Variants in OR9Q1 observed in about 807,000 individuals in gnomAD.
OR9Q1 encodes the protein olfactory receptor family 9 subfamily Q member 1.
For missense variants in OR9Q1, 374 were observed against 378.8 expected (o/e 0.99, Z 0.11); for synonymous variants, 153 against 148.6 (o/e 1.03, Z -0.22).
At chr11:58,083,055 T>A (rs1018974202) in intron 2 of OR9Q1, among the ~76,000 whole-genome samples, 5 of 151,998 alleles carry the variant, frequency 3.3e-5, no homozygotes, top group Admixed American at 2.0e-4. Context: ...TTGTTGCCAT[T>A]GCTTTTGGTG....
intron 2 of OR9Q1, among the ~76,000 whole-genome samples, chr11:58,099,623 C>A (rs1441840556): frequency 1.3e-5 from 2 of 152,104 alleles, no homozygotes; most frequent in African/African-American, 2.4e-5. Flanking sequence ...GTGTCCCTTG[C>A]AAGTAGCATA....
chr11:58,026,180 G>A (rs1381285713), intron 1 of OR9Q1, among the ~76,000 whole-genome samples: 1 of 152,202 alleles, frequency 6.6e-6, no homozygotes, highest in Non-Finnish European at 1.5e-5. Context: ...CTGATGCCTG[G>A]TACCATGCCT....
intron 2 of OR9Q1, among the ~76,000 whole-genome samples, chr11:58,164,763 A>G (rs1413503577): frequency 1.3e-5 from 2 of 152,130 alleles, no homozygotes; most frequent in Non-Finnish European, 2.9e-5. Context: ...TCACTTGTCA[A>G]ATTGAATTAT....
chr11:58,152,026 A>AC (rs1030394484), intron 2 of OR9Q1, among the ~76,000 whole-genome samples: 7 of 152,156 alleles, frequency 4.6e-5, no homozygotes, highest in Admixed American at 6.5e-5. Context: ...AGGAGCTCTG[A>AC]CAGGCCATGG....
chr11:58,071,784 G>A (rs1853490195), intron 2 of OR9Q1, among the ~76,000 whole-genome samples: 1 of 152,200 alleles, frequency 6.6e-6, no homozygotes, highest in South Asian at 2.1e-4. Context: ...TAGTGGCAAT[G>A]TAAATAAACT....
At chr11:58,142,054 A>G (rs956728088) in intron 2 of OR9Q1, among the ~76,000 whole-genome samples, 2 of 152,164 alleles carry the variant, frequency 1.3e-5, no homozygotes, top group Non-Finnish European at 1.5e-5. Flanking sequence ...GCAAGTACAT[A>G]TGTACAGTTA....
chr11:58,143,007 T>C (rs1565088702), intron 2 of OR9Q1, among the ~76,000 whole-genome samples: 1 of 152,174 alleles, frequency 6.6e-6, no homozygotes, highest in Non-Finnish European at 1.5e-5. Context: ...TAACAGTGTT[T>C]GTTCTTTATG....
rs951076925 is a variant in OR9Q1, at chr11:58,090,963, G to A, written c.-15+35016G>A. 5.3e-5 allele frequency among the ~76,000 whole-genome samples: 8 copies of A among 152,220 alleles called. No homozygotes were observed. The South Asian group carries it at 8.3e-4, about 16-fold the overall frequency. ...TTATAGCATTCTCTGATGGTAGTTTGTATTTCTGTGGGATCGGTGGTGATA... is the reference window on the plus strand; with the variant it reads ...TTATAGCATTCTCTGATGGTAGTTTATATTTCTGTGGGATCGGTGGTGATA... On this transcript the variant is annotated intron_variant, in intron 2 of 2. Transcript: ENST00000335397.
At chr11:58,084,762 C>G (rs959580724) in intron 2 of OR9Q1, among the ~76,000 whole-genome samples, 1 of 151,816 alleles carries the variant, frequency 6.6e-6, no homozygotes, top group Non-Finnish European at 1.5e-5. Context: ...TAGAAACCCT[C>G]GACAGACTAG....
At chr11:58,031,528 G>C (rs528605468) in intron 1 of OR9Q1, 4 of 1,613,998 alleles carry the variant, frequency 2.5e-6, no homozygotes, top group Non-Finnish European at 3.4e-6. Flanking sequence ...TAGCCTTGTC[G>C]TGCTCAGATG....
chr11:58,117,725 G>T (rs1480191993), intron 2 of OR9Q1: 1 of 152,164 alleles, frequency 6.6e-6, no homozygotes, highest in Non-Finnish European at 1.5e-5. Context: ...ACGCAATAGG[G>T]TGAGGAGGAG....
intron 2 of OR9Q1, among the ~76,000 whole-genome samples, chr11:58,154,562 T>C (rs1049996641): frequency 2.0e-5 from 3 of 152,118 alleles, no homozygotes; most frequent in Non-Finnish European, 2.9e-5. Context: ...CTATAGTTAA[T>C]AGAAATTAAT....
chr11:58,082,836 G>A (rs1853602207), intron 2 of OR9Q1, among the ~76,000 whole-genome samples: 2 of 148,386 alleles, frequency 1.3e-5, no homozygotes, highest in African/African-American at 5.0e-5. Context: ...GGGTATATGT[G>A]CACAATGTGC....
chr11:58,118,474 A>G lies in OR9Q1; in HGVS notation c.-14-60957A>G, dbSNP rs558599142. ...TATTCATATGGGAAGAAAGTGGACT[A>G]AAACAAGAATTCCTCTTACTTAGAT... On this transcript the variant is annotated intron_variant, in intron 2 of 2. Coordinates refer to ENST00000335397, the MANE Select transcript of OR9Q1 (RefSeq NM_001005212.4). 3.4e-6 allele frequency: 5 copies of G among 1,468,996 alleles called. No individual in the cohort carries two copies. In the South Asian group the frequency reaches 5.1e-5, roughly 15 times the overall value. 91.0% of individuals were successfully genotyped at this position (1,468,996 alleles called of 1,614,324 possible).
At chr11:58,027,879 ACT>A (rs992325621) in intron 1 of OR9Q1, among the ~76,000 whole-genome samples, 1 of 152,150 alleles carries the variant, frequency 6.6e-6, no homozygotes, top group Admixed American at 6.6e-5. Context: ...AGGTTCTGGC[ACT>A]CTCTCTCTAA....
intron 1 of OR9Q1, among the ~76,000 whole-genome samples, chr11:58,050,664 C>A: frequency 7.8e-6 from 1 of 128,978 alleles, no homozygotes; most frequent in South Asian, 3.2e-4. Context: ...AACAGGCAAC[C>A]TACAACATGG....
chr11:58,084,029 A>G (rs189329785), intron 2 of OR9Q1, among the ~76,000 whole-genome samples: 1 of 151,990 alleles, frequency 6.6e-6, no homozygotes, highest in East Asian at 1.9e-4. Flanking sequence ...ATAGCATTGG[A>G]TCTGTAGATC....
intron 2 of OR9Q1, among the ~76,000 whole-genome samples, chr11:58,139,880 A>G (rs1379584890): frequency 2.0e-5 from 3 of 151,880 alleles, no homozygotes; most frequent in Non-Finnish European, 2.9e-5. Flanking sequence ...CAATGGTTGA[A>G]CTAGTTTACA....
At chr11:58,100,032 C>T (rs754337712) in intron 2 of OR9Q1, among the ~76,000 whole-genome samples, 2 of 152,026 alleles carry the variant, frequency 1.3e-5, no homozygotes, top group South Asian at 2.1e-4. Context: ...GTTTCTGTTC[C>T]ACATAGTGTA....
Sources: gnomAD v4.1 joint callset for allele counts (sites outside exome capture counted in the v4.1 genomes callset) on GRCh38, gnomAD v4.1.1 for gene constraint, MANE v1.5 for transcripts, NCBI Gene and HGNC (gene_info 2026-07-23, HGNC 2026-07-21) for gene names.